CASP10: variants seen among roughly 807,000 people sequenced by gnomAD.
CASP10 encodes the protein caspase 10, also known as caspase-10.
CASP10 carries 41 observed loss-of-function variants against 48.5 expected under a neutral mutation model. The observed-to-expected ratio is 0.85, with a 90% confidence interval of 0.66 to 1.10. The LOEUF (loss-of-function observed/expected upper bound fraction) is 1.10, where lower values mean the gene tolerates loss of function less well. CASP10 is among the 50% of genes least tolerant of loss of function. CASP10 has a pLI of 0.00. For synonymous variants in CASP10, 232 were observed against 238.4 expected (o/e 0.97, Z 0.25); for missense variants, 614 against 614.5 (o/e 1.00, Z 0.01).
chr2:201,192,426 G>A (rs1944642842), intron 3 of CASP10, among the ~76,000 whole-genome samples: 2 of 140,454 alleles, frequency 1.4e-5, no homozygotes, highest in Admixed American at 1.4e-4. Flanking sequence ...AATAATAATA[G>A]CTGAATTGTG....
At chr2:201,187,839 C>T (rs1298185314) in intron 3 of CASP10, 40 bp downstream of exon 3, 2 of 1,372,506 alleles carry the variant, frequency 1.5e-6, no homozygotes, top group African/African-American at 1.4e-5. Context: ...TGAGCACTGT[C>T]TTAATCAATG....
chr2:201,208,018 A>G, intron 7 of CASP10, 57 bp from the exon 8 acceptor site: 1 of 1,263,282 alleles, frequency 7.9e-7, no homozygotes, highest in South Asian at 1.2e-5. Flanking sequence ...GTTGGTTAGA[A>G]ACATTTAAGG....
At chr2:201,208,495 C>T in intron 8 of CASP10, 1 of 374,292 alleles carries the variant, frequency 2.7e-6, no homozygotes, top group Non-Finnish European at 3.7e-6. Flanking sequence ...AGTCAAGAGA[C>T]CTTGGCTTCT....
Position 201,221,207 on chromosome 2 carries a change from C to A in CASP10, c.*3466C>A. On this transcript the variant is annotated 3_prime_UTR_variant, in exon 10 of 10. Transcript: ENST00000286186. ...ACCCCTGACATACTCTGAGTAAGAT[C>A]TAATTCTTCCCTCACTGGTTCGTGA... is the stretch of plus-strand genomic sequence containing the variant. 1 of 985,410 alleles carries A rather than the reference C, an allele frequency of 1.0e-6. No individual in the cohort carries two copies. Among genetic ancestry groups the A allele is most frequent in the African/African-American group, 1.7e-5 (1 of 57,352 alleles). The allele number at this position is 985,410 out of a possible 1,614,324, so 61.0% of individuals were successfully genotyped here.
In CASP10 at chr2:201,218,031, A is replaced by G. The variant is rs1003208096; in HGVS notation, c.*290A>G. ...CAGGCTCAAGCTGTCCTCCCGCCTC[A>G]GCTTCCCAAGTAGCTGGGACCACAG... On this transcript the variant is annotated 3_prime_UTR_variant, in exon 10 of 10. Coordinates refer to ENST00000286186, the MANE Select transcript of CASP10 (RefSeq NM_032977.4). 41 of 805,754 alleles carry G rather than the reference A, an allele frequency of 5.1e-5. No individual in the cohort carries two copies. The highest frequency in any genetic ancestry group is 3.3e-4 in the Admixed American group (9 of 27,612). The allele number at this position is 805,754 out of a possible 1,614,324, so 49.9% of individuals were successfully genotyped here. A position where few individuals can be genotyped will look rare whatever the true frequency, so the allele number is the denominator to read the frequency against.
In CASP10 at chr2:201,221,185, C is replaced by T. The variant is rs1945711482; in HGVS notation, c.*3444C>T. On this transcript the variant is annotated 3_prime_UTR_variant, in exon 10 of 10. Transcript: ENST00000286186. Reference sequence around the variant, plus strand: ...GCGGCAACTCAGCACTAGCATTACCCCTGACATACTCTGAGTAAGATCTAA... The same window carrying T: ...GCGGCAACTCAGCACTAGCATTACCTCTGACATACTCTGAGTAAGATCTAA... 1.0e-6 allele frequency: 1 copy of T among 985,278 alleles called. No individual in the cohort carries two copies. The highest frequency in any genetic ancestry group is 6.2e-5 in the Admixed American group (1 of 16,254). 61.0% of individuals were successfully genotyped at this position (985,278 alleles called of 1,614,324 possible).
Position 201,218,132 on chromosome 2 carries a change from G to A in CASP10, c.*391G>A, listed in dbSNP as rs1173017829. The A allele has an allele frequency of 1.1e-6, 1 of 889,312 alleles. No individual in the cohort carries two copies. The highest frequency in any genetic ancestry group is 8.1e-5 in the East Asian group (1 of 12,322). The allele number at this position is 889,312 out of a possible 1,614,324, so 55.1% of individuals were successfully genotyped here. A position where few individuals can be genotyped will look rare whatever the true frequency, so the allele number is the denominator to read the frequency against. On this transcript the variant is annotated 3_prime_UTR_variant, in exon 10 of 10. Coordinates refer to ENST00000286186, the MANE Select transcript of CASP10 (RefSeq NM_032977.4). ...TGGAGGGATCTCACTTTGTTGCACA[G>A]GCTGGTTTCAAACTCCTAGGCCCAA... is the stretch of plus-strand genomic sequence containing the variant.
downstream of CASP10, among the ~76,000 whole-genome samples, chr2:201,224,876 C>T (rs920381979): frequency 6.6e-6 from 1 of 152,034 alleles, no homozygotes; most frequent in Admixed American, 6.6e-5. Context: ...CAAAAACACA[C>T]CAAGAAAAAA....
Position 201,219,248 on chromosome 2 carries a change from C to A in CASP10, c.*1507C>A. The A allele has an allele frequency of 4.8e-6, 1 of 208,000 alleles. No homozygotes were observed. The highest frequency in any genetic ancestry group is 8.4e-6 in the Non-Finnish European group (1 of 119,090). 12.9% of individuals were successfully genotyped at this position (208,000 alleles called of 1,614,324 possible). A position where few individuals can be genotyped will look rare whatever the true frequency, so the allele number is the denominator to read the frequency against. On this transcript the variant is annotated 3_prime_UTR_variant, in exon 10 of 10. Coordinates refer to ENST00000286186, the MANE Select transcript of CASP10 (RefSeq NM_032977.4). ...TGACACAACTGCACTCCAGCTTGGGCAACAGGGCGAGACCTTGTTTAAAAA... is the reference window on the plus strand; with the variant it reads ...TGACACAACTGCACTCCAGCTTGGGAAACAGGGCGAGACCTTGTTTAAAAA...
rs191438878 is a variant in CASP10, at chr2:201,217,818, T to G, written c.*77T>G. The G allele has an allele frequency of 1.4e-3, 2,283 of 1,612,632 alleles. 16 individuals carry two copies. The highest frequency in any genetic ancestry group is 3.8e-3 in the South Asian group (342 of 90,786). ...TCCAGCCTCCTGCCCAGCACAGGAA[T>G]CGGTGGTCTCCACCTGTCATTCTAG... On this transcript the variant is annotated 3_prime_UTR_variant, in exon 10 of 10. Coordinates refer to ENST00000286186, the MANE Select transcript of CASP10 (RefSeq NM_032977.4).
rs1944291379 is a variant in CASP10, at chr2:201,183,218, C to G, written c.-98C>G. 6.6e-6 allele frequency: 1 copy of G among 152,238 alleles called. No homozygotes were observed. The highest frequency in any genetic ancestry group is 2.4e-5 in the African/African-American group (1 of 41,460). The allele number at this position is 152,238 out of a possible 1,614,324, so 9.4% of individuals were successfully genotyped here. A position where few individuals can be genotyped will look rare whatever the true frequency, so the allele number is the denominator to read the frequency against. On this transcript the variant is annotated 5_prime_UTR_variant, in exon 1 of 10. Coordinates refer to ENST00000286186, the MANE Select transcript of CASP10 (RefSeq NM_032977.4). ...GAGCTTCTTTGGACCTTGGAGCACA[C>G]AGAGGATTCTACTTTCTTTAAAACT...
At chr2:201,185,631 G>GTAAT (rs2126004520) in intron 1 of CASP10, 140 bp from the exon 2 acceptor site, 1 of 677,756 alleles carries the variant, frequency 1.5e-6, no homozygotes, top group East Asian at 2.6e-5. Flanking sequence ...TAGCCTCGCC[G>GTAAT]TAATTTTTAT....
At chr2:201,202,441 G>A (rs958206403) in intron 5 of CASP10, among the ~76,000 whole-genome samples, 1 of 152,204 alleles carries the variant, frequency 6.6e-6, no homozygotes, top group African/African-American at 2.4e-5. Flanking sequence ...TGTTCTGGCT[G>A]ACTTTATCAG....
intron 9 of CASP10, among the ~76,000 whole-genome samples, chr2:201,227,214 T>G (rs1200114831): frequency 2.0e-5 from 3 of 152,212 alleles, no homozygotes; most frequent in African/African-American, 4.8e-5. Flanking sequence ...TGCGTCTCAG[T>G]GCTGATTAAT....
At chr2:201,215,418 G>A (rs1576142634) in intron 9 of CASP10, among the ~76,000 whole-genome samples, 1 of 152,056 alleles carries the variant, frequency 6.6e-6, no homozygotes, top group South Asian at 2.1e-4. Context: ...CACATTTTGA[G>A]TTGGTTTTTG....
At position 201,219,327 on chromosome 2, in the gene CASP10, A is replaced by G. The variant is rs1350203311; in HGVS notation, c.*1586A>G. ...TCAGTTGCCATTGACAGAACACCCA[A>G]TTCAAATTGACTGAAGCAAAGAAGG... On this transcript the variant is annotated 3_prime_UTR_variant, in exon 10 of 10. Coordinates refer to ENST00000286186, the MANE Select transcript of CASP10 (RefSeq NM_032977.4). 1.8e-6 allele frequency: 1 copy of G among 544,906 alleles called. No individual in the cohort carries two copies. Among genetic ancestry groups the G allele is most frequent in the Non-Finnish European group, 2.3e-6 (1 of 427,980 alleles). 33.8% of individuals were successfully genotyped at this position (544,906 alleles called of 1,614,324 possible). A position where few individuals can be genotyped will look rare whatever the true frequency, so the allele number is the denominator to read the frequency against.
chr2:201,193,016 A>G lies in CASP10; in HGVS notation c.474A>G (p.Lys158=), dbSNP rs1200564039. The G allele has an allele frequency of 6.2e-7, 1 of 1,613,798 alleles. No individual in the cohort carries two copies. The highest frequency in any genetic ancestry group is 1.3e-5 in the African/African-American group (1 of 75,016). ...TAAGTTTCCTGGCATTTCTAGAGAA[A>G]CAAGGTAAAATAGATGAAGATAATC... The part of the protein sequence containing the change: ...TSLSFLAFLE[K]QGKIDEDNLT... The change falls in exon 4 of 10, where the codon AAA becomes AAG. Residue 158 remains lysine (K), a synonymous_variant. Transcript: ENST00000286186.
At chr2:201,223,974 C>T (rs10184120), downstream of CASP10, among the ~76,000 whole-genome samples, 8,530 of 137,062 alleles carry the variant, frequency 0.062, 388 homozygotes, top group African/African-American at 0.12. Context: ...GAACTCTTTT[C>T]TTTTTTTTTT....
At chr2:201,200,195 T>C (rs1375324683) in intron 5 of CASP10, among the ~76,000 whole-genome samples, 5 of 152,224 alleles carry the variant, frequency 3.3e-5, no homozygotes, top group African/African-American at 1.2e-4. Context: ...GTTAATTTTA[T>C]ATAGTTACTA....
Sources: allele counts gnomAD v4.1 joint callset (sites outside exome capture counted in the v4.1 genomes callset), GRCh38; gene constraint gnomAD v4.1.1; transcripts MANE v1.5; gene names NCBI Gene and HGNC (gene_info 2026-07-23, HGNC 2026-07-21).